ATP10B: variants seen among roughly 807,000 people sequenced by gnomAD.
The protein encoded by ATP10B is phospholipid-transporting ATPase VB.
ATP10B carries 122 observed loss-of-function variants against 141.2 expected under a neutral mutation model. The observed-to-expected ratio is 0.86, with a 90% CI of 0.75 to 1.00. ATP10B has a LOEUF of 1.00. ATP10B is among the 50% of genes least tolerant of loss of function. The pLI is 0.00. For missense variants in ATP10B, 1,876 were observed against 1,825.3 expected, an observed-to-expected ratio of 1.03 and a Z score of -0.51; for synonymous variants, 685 against 692.0, an observed-to-expected ratio of 0.99 and a Z score of 0.16.
chr5:160,640,739 G>T, intron 9 of ATP10B, 147 bp from the exon 10 acceptor site: 1 of 1,081,280 alleles, frequency 9.2e-7, no homozygotes, highest in Non-Finnish European at 1.3e-6. Flanking sequence ...AGGTTGCTGA[G>T]AACAGCTGTA....
chr5:160,714,819 G>T (rs1765496625), intron 3 of ATP10B, among the ~76,000 whole-genome samples: 1 of 146,514 alleles, frequency 6.8e-6, no homozygotes, highest in African/African-American at 2.6e-5. Flanking sequence ...CCGGTTGTTA[G>T]TTTTCCTTCT....
At chr5:160,596,022 A>C (rs1310808120) in intron 22 of ATP10B, among the ~76,000 whole-genome samples, 1 of 152,014 alleles carries the variant, frequency 6.6e-6, no homozygotes, top group Non-Finnish European at 1.5e-5. Context: ...AAAAGAGGGA[A>C]TCCTCCCTAA....
the ATP10B span, among the ~76,000 whole-genome samples, chr5:160,884,828 A>C: frequency 6.6e-6 from 1 of 152,174 alleles, no homozygotes; most frequent in Non-Finnish European, 1.5e-5. Flanking sequence ...ACAGTGAATT[A>C]ATTCATTTAT....
At position 160,563,230 on chromosome 5, in the gene ATP10B, T is replaced by A. The variant is rs1053468; in HGVS notation, c.*2223A>T. ...GTACTAAGTACAATCATTAGCATTA[T>A]GTTATAGGGGAATAGTGGTTATAAC... On this transcript the variant is annotated 3_prime_UTR_variant, in exon 26 of 26. Coordinates refer to ENST00000327245, the MANE Select transcript of ATP10B (RefSeq NM_025153.3). The A allele has an allele frequency of 6.6e-6, 1 of 152,160 alleles. No individual in the cohort carries two copies. Among genetic ancestry groups the A allele is most frequent in the Non-Finnish European group, 1.5e-5 (1 of 68,026 alleles). The allele number at this position is 152,160 out of a possible 1,614,324, so 9.4% of individuals were successfully genotyped here.
chr5:160,923,658 A>G, the ATP10B span, among the ~76,000 whole-genome samples: 30 of 152,374 alleles, frequency 2.0e-4, no homozygotes, highest in African/African-American at 6.0e-4. Context: ...GATAACAGCC[A>G]GCTTGCATAA....
chr5:160,870,702 G>A, the ATP10B span, among the ~76,000 whole-genome samples: 60 of 151,458 alleles, frequency 4.0e-4, no homozygotes, highest in African/African-American at 1.4e-3. Flanking sequence ...CAGACACAAA[G>A]CCAGAAAGCT....
chr5:160,799,547 G>C (rs1224655677), intron 1 of ATP10B, among the ~76,000 whole-genome samples: 1 of 152,156 alleles, frequency 6.6e-6, no homozygotes, highest in Non-Finnish European at 1.5e-5. Context: ...GGTATGAAAA[G>C]TGCTTATTTG....
At chr5:160,618,065 A>T in intron 15 of ATP10B, 92 bp from the exon 16 acceptor site, 8 of 1,015,942 alleles carry the variant, frequency 7.9e-6, no homozygotes, top group Non-Finnish European at 1.2e-5. Flanking sequence ...AGTAGACTAC[A>T]AATACTTTAG....
At chr5:160,672,762 T>C (rs1762792865) in intron 6 of ATP10B, among the ~76,000 whole-genome samples, 1 of 152,232 alleles carries the variant, frequency 6.6e-6, no homozygotes, top group African/African-American at 2.4e-5. Context: ...ATGACACATC[T>C]ACTCTTCCAC....
At chr5:160,822,098 T>C (rs1461742085) in intron 1 of ATP10B, among the ~76,000 whole-genome samples, 1 of 151,994 alleles carries the variant, frequency 6.6e-6, no homozygotes, top group Non-Finnish European at 1.5e-5. Flanking sequence ...GAGAAAATAT[T>C]TGCAAACTAC....
chr5:160,907,463 A>G, the ATP10B span, among the ~76,000 whole-genome samples: 8 of 151,972 alleles, frequency 5.3e-5, no homozygotes, highest in African/African-American at 1.9e-4. Flanking sequence ...TTCTGGGCTT[A>G]AGCAATCCTC....
chr5:160,836,553 A>T (rs1354157800), intron 1 of ATP10B, among the ~76,000 whole-genome samples: 2 of 152,050 alleles, frequency 1.3e-5, no homozygotes, highest in Non-Finnish European at 2.9e-5. Flanking sequence ...TCATTGCATT[A>T]TTCTTCACAC....
intron 22 of ATP10B, among the ~76,000 whole-genome samples, chr5:160,595,118 C>T (rs1329924196): frequency 6.6e-6 from 1 of 152,134 alleles, no homozygotes; most frequent in Non-Finnish European, 1.5e-5. Flanking sequence ...ACACTTATTC[C>T]AAAACTGACC....
At chr5:160,915,458 A>C in the ATP10B span, among the ~76,000 whole-genome samples, 3 of 151,792 alleles carry the variant, frequency 2.0e-5, no homozygotes, top group Admixed American at 2.0e-4. Context: ...CAGCCTCCTG[A>C]GTAGCTGGGA....
At chr5:160,590,283 C>G (rs1157694481) in intron 23 of ATP10B, among the ~76,000 whole-genome samples, 1 of 152,006 alleles carries the variant, frequency 6.6e-6, no homozygotes. Flanking sequence ...GCAGGAAAGC[C>G]AAGCAAAGAC....
intron 11 of ATP10B, among the ~76,000 whole-genome samples, chr5:160,635,513 T>C (rs1759299662): frequency 6.6e-6 from 1 of 152,114 alleles, no homozygotes; most frequent in South Asian, 2.1e-4. Flanking sequence ...TTAAAATAGA[T>C]TACTCTGCAA....
intron 2 of ATP10B, among the ~76,000 whole-genome samples, chr5:160,749,778 G>T (rs532117271): frequency 6.6e-6 from 1 of 152,138 alleles, no homozygotes; most frequent in Non-Finnish European, 1.5e-5. Flanking sequence ...AAGAACAGGG[G>T]TAAGTAAGCA....
rs1420827967 is a variant in ATP10B, at chr5:160,612,832, C to A, written c.2747G>T (p.Gly916Val). Residue 916 changes from glycine (G) to valine (V), a missense_variant, in exon 18 of 26, where the codon GGA becomes GTA. By Grantham distance (109) the Gly-to-Val change is moderately radical. Coordinates refer to ENST00000327245, the MANE Select transcript of ATP10B (RefSeq NM_025153.3). Reference sequence around the variant, plus strand: ...GTTGACCGCTGTCTCCTGCTTATCTCCAGTCAGGACCCAGAGCTGGATCCC... The same window carrying A: ...GTTGACCGCTGTCTCCTGCTTATCTACAGTCAGGACCCAGAGCTGGATCCC... ...EAGIQLWVLT[G>V]DKQETAVNIA... is the part of the protein sequence containing the mutation. 1 of 1,614,020 alleles carries A rather than the reference C, an allele frequency of 6.2e-7. No individual in the cohort carries two copies. The highest frequency in any genetic ancestry group is 8.5e-7 in the Non-Finnish European group (1 of 1,180,008).
At chr5:160,898,530 C>T in the ATP10B span, among the ~76,000 whole-genome samples, 1 of 152,168 alleles carries the variant, frequency 6.6e-6, no homozygotes, top group African/African-American at 2.4e-5. Context: ...AATAGGAACA[C>T]TTTTACACTG....
Sources: gnomAD v4.1 joint callset for allele counts (sites outside exome capture counted in the v4.1 genomes callset) on GRCh38, gnomAD v4.1.1 for gene constraint, MANE v1.5 for transcripts, NCBI Gene and HGNC (gene_info 2026-07-23, HGNC 2026-07-21) for gene names.